Variants in UBE2L6 observed in about 807,000 individuals in gnomAD.
UBE2L6 encodes ubiquitin/ISG15-conjugating enzyme E2 L6.
Under a neutral mutation model 13.6 loss-of-function variants are expected in UBE2L6, and 11 were observed. The observed-to-expected ratio is 0.81, with a 90% confidence interval of 0.51 to 1.34. The LOEUF (loss-of-function observed/expected upper bound fraction) is 1.34. Ranked by LOEUF, UBE2L6 falls within the 40% of genes most tolerant of loss-of-function variation. The pLI, the probability that UBE2L6 is intolerant of heterozygous loss-of-function variation, is 0.00. For missense variants in UBE2L6, 197 were observed against 199.5 expected, an observed-to-expected ratio of 0.99 and a Z score of 0.07; for synonymous variants, 74 against 83.2, an observed-to-expected ratio of 0.89 and a Z score of 0.60.
chr11:57,564,150 T>G (rs1229297531), intron 1 of UBE2L6, among the ~76,000 whole-genome samples: 1 of 152,158 alleles, frequency 6.6e-6, no homozygotes, highest in African/African-American at 2.4e-5. Flanking sequence ...CCTCAAGGCA[T>G]TTAATAATCA....
intron 2 of UBE2L6, among the ~76,000 whole-genome samples, chr11:57,556,589 T>C (rs1470995393): frequency 6.2e-5 from 2 of 32,394 alleles, no homozygotes; most frequent in African/African-American, 2.7e-4. Flanking sequence ...CAAAACTCCG[T>C]CTCAAAAAAA....
upstream of UBE2L6, chr11:57,567,706 C>G: frequency 6.8e-7 from 1 of 1,467,662 alleles, no homozygotes; most frequent in Non-Finnish European, 9.2e-7. Context: ...GACCCCACCC[C>G]CGGCAGCCCC....
chr11:57,560,616 CTTTTTTCT>C (rs1945034875), intron 1 of UBE2L6, 184 bp from the exon 2 acceptor site: 3 of 486,808 alleles, frequency 6.2e-6, no homozygotes, highest in South Asian at 2.7e-5. Flanking sequence ...GGTGCTTTTT[CTTTTTTCT>C]TTTTTTTTTT....
In UBE2L6 at chr11:57,565,981, A is replaced by G. The variant is rs79377397; in HGVS notation, c.27+1604T>C. Among the ~76,000 whole-genome samples, 852 of 134,742 alleles carry G rather than the reference A, an allele frequency of 6.3e-3. 21 individuals carry two copies. Among genetic ancestry groups the G allele is most frequent in the Admixed American group, 0.04 (472 of 11,922 alleles). The allele number at this position is 134,742 out of a possible 152,430, so 88.4% of individuals were successfully genotyped here. ...ATGCCCCCCTCCTATCCCTCAGCCT[A>G]TGTTCTATTTCTGTTCAACCAATAA... On this transcript the variant is annotated intron_variant, in intron 1 of 3. Transcript: ENST00000287156.
rs1344306513 is a variant in UBE2L6, at chr11:57,552,284, G to A, written c.*74C>T. ...ATGAATGGGGAATGGGCCACAGGGG[G>A]CTCTGGCCTCAGTCCATGAGGTGTG... On this transcript the variant is annotated 3_prime_UTR_variant, in exon 4 of 4. Coordinates refer to ENST00000287156, the MANE Select transcript of UBE2L6 (RefSeq NM_004223.5). The A allele has an allele frequency of 1.9e-6, 3 of 1,564,188 alleles. No individual in the cohort carries two copies. The highest frequency in any genetic ancestry group is 1.2e-5 in the South Asian group (1 of 86,434).
chr11:57,562,866 A>G (rs539788849), intron 1 of UBE2L6, among the ~76,000 whole-genome samples: 4 of 152,296 alleles, frequency 2.6e-5, no homozygotes, highest in African/African-American at 7.2e-5. Context: ...AAGCCTTCCC[A>G]AGAAGGATGA....
intron 3 of UBE2L6, 36 bp downstream of exon 3, chr11:57,554,401 G>A (rs1179687552): frequency 1.9e-5 from 31 of 1,607,990 alleles, no homozygotes; most frequent in African/African-American, 2.7e-5. Context: ...TCTCTACCCA[G>A]TATCAGTCCC....
intron 1 of UBE2L6, among the ~76,000 whole-genome samples, chr11:57,564,714 A>G (rs1187398891): frequency 6.6e-6 from 1 of 152,112 alleles, no homozygotes; most frequent in East Asian, 1.9e-4. Context: ...GAGGTAAGAG[A>G]ATCACTTGAA....
chr11:57,560,623 CT>C (rs11301277), intron 1 of UBE2L6, 191 bp from the exon 2 acceptor site: 147,190 of 373,856 alleles, frequency 0.39, 12,216 homozygotes, highest in East Asian at 0.52. Flanking sequence ...TTTCTTTTTT[CT>C]TTTTTTTTTT....
chr11:57,563,700 G>T (rs1945064405), intron 1 of UBE2L6, among the ~76,000 whole-genome samples: 1 of 149,720 alleles, frequency 6.7e-6, no homozygotes, highest in South Asian at 2.1e-4. Flanking sequence ...GACCATCCTG[G>T]CTAACACGGT....
upstream of UBE2L6, chr11:57,567,828 A>C: frequency 2.0e-6 from 1 of 502,398 alleles, no homozygotes; most frequent in Non-Finnish European, 3.4e-6. Context: ...CCCGCGCGGA[A>C]GGCTCGGACC....
chr11:57,567,450 G>A, intron 1 of UBE2L6, 135 bp downstream of exon 1: 1 of 1,273,814 alleles, frequency 7.9e-7, no homozygotes. Flanking sequence ...GGGCGGGGAG[G>A]ACAGGGATTC....
chr11:57,555,307 A>C (rs747410111), intron 2 of UBE2L6, among the ~76,000 whole-genome samples: 13 of 152,264 alleles, frequency 8.5e-5, no homozygotes, highest in Non-Finnish European at 1.9e-4. Flanking sequence ...TAGCCTTAAA[A>C]GGAATGAAAT....
chr11:57,552,116 G>A lies in UBE2L6; in HGVS notation c.*242C>T. The A allele has an allele frequency of 3.9e-6, 2 of 513,530 alleles. No homozygotes were observed. The highest frequency in any genetic ancestry group is 6.9e-6 in the Non-Finnish European group (2 of 291,492). 31.8% of individuals were successfully genotyped at this position (513,530 alleles called of 1,614,324 possible). A position where few individuals can be genotyped will look rare whatever the true frequency, so the allele number is the denominator to read the frequency against. On this transcript the variant is annotated 3_prime_UTR_variant, in exon 4 of 4. Coordinates refer to ENST00000287156, the MANE Select transcript of UBE2L6 (RefSeq NM_004223.5). ...GCAAACTTAAACTCCCTTGGCTCTGGGGAATGTAAAGGGTGTGGGAAGGGT... is the reference window on the plus strand; with the variant it reads ...GCAAACTTAAACTCCCTTGGCTCTGAGGAATGTAAAGGGTGTGGGAAGGGT...
chr11:57,561,236 C>T (rs552898661), intron 1 of UBE2L6, among the ~76,000 whole-genome samples: 2 of 152,260 alleles, frequency 1.3e-5, no homozygotes, highest in African/African-American at 4.8e-5. Context: ...AGGGAAATGA[C>T]TCCGGAAGAC....
At chr11:57,560,623 C>CT (rs11301277) in intron 1 of UBE2L6, 191 bp from the exon 2 acceptor site, 10,392 of 374,774 alleles carry the variant, frequency 0.028, no homozygotes, top group Middle Eastern at 0.042. Flanking sequence ...TTTCTTTTTT[C>CT]TTTTTTTTTT....
intron 2 of UBE2L6, among the ~76,000 whole-genome samples, chr11:57,555,501 T>C (rs189067556): frequency 1.4e-3 from 218 of 152,302 alleles, no homozygotes; most frequent in African/African-American, 5.1e-3. Context: ...GGGGAGTTAC[T>C]GAAGGGGTAC....
chr11:57,565,941 A>G (rs1945087774), intron 1 of UBE2L6, among the ~76,000 whole-genome samples: 2 of 144,546 alleles, frequency 1.4e-5, no homozygotes, highest in African/African-American at 5.1e-5. Flanking sequence ...CCAACATATA[A>G]TATAAACACA....
chr11:57,555,846 G>A (rs1054842066), intron 2 of UBE2L6, among the ~76,000 whole-genome samples: 10 of 152,148 alleles, frequency 6.6e-5, no homozygotes, highest in African/African-American at 1.4e-4. Flanking sequence ...CTGGGATTAC[G>A]AGCGTGAGCC....
Sources: gnomAD v4.1 joint callset for allele counts (sites outside exome capture counted in the v4.1 genomes callset) on GRCh38, gnomAD v4.1.1 for gene constraint, MANE v1.5 for transcripts, NCBI Gene and HGNC (gene_info 2026-07-23, HGNC 2026-07-21) for gene names.